ABCD3: variants seen among roughly 807,000 people sequenced by gnomAD.
ABCD3 encodes the protein ATP-binding cassette sub-family D member 3.
Under a neutral mutation model 105.5 loss-of-function variants are expected in ABCD3, and 41 were observed. The observed-to-expected ratio is 0.39, with a 90% confidence interval of 0.30 to 0.50. ABCD3 has a LOEUF of 0.50. ABCD3 is among the 20% of genes least tolerant of loss of function. The pLI is 0.84. For missense variants in ABCD3, 622 were observed against 806.3 expected (o/e 0.77, Z 2.77); for synonymous variants, 258 against 269.0 (o/e 0.96, Z 0.40).
intron 1 of ABCD3, among the ~76,000 whole-genome samples, chr1:94,420,553 ATC>A (rs1353427428): frequency 1.3e-5 from 2 of 152,136 alleles, no homozygotes; most frequent in African/African-American, 2.4e-5. Context: ...AGTGGGGAAA[ATC>A]TCTATTTTAC....
At chr1:94,431,745 G>A (rs1324166101) in intron 1 of ABCD3, among the ~76,000 whole-genome samples, 1 of 151,948 alleles carries the variant, frequency 6.6e-6, no homozygotes, top group Admixed American at 6.6e-5. Context: ...TTTTTTTGTA[G>A]AGATAGGGTC....
chr1:94,429,521 G>A (rs1379848195), intron 1 of ABCD3, among the ~76,000 whole-genome samples: 1 of 152,186 alleles, frequency 6.6e-6, no homozygotes, highest in Non-Finnish European at 1.5e-5. Context: ...CCTTTGCTGT[G>A]TGCAGTCTAG....
At chr1:94,415,519 A>G (rs1264907718), upstream of ABCD3, among the ~76,000 whole-genome samples, 1 of 152,236 alleles carries the variant, frequency 6.6e-6, no homozygotes, top group African/African-American at 2.4e-5. Flanking sequence ...CTAAAATCCT[A>G]GACTGTTAGA....
chr1:94,487,476 T>C, intron 10 of ABCD3, 66 bp from the exon 11 acceptor site: 1 of 1,382,828 alleles, frequency 7.2e-7, no homozygotes, highest in South Asian at 1.2e-5. Context: ...GTTTGTTTTA[T>C]CCTTATAGTA....
Position 94,480,532 on chromosome 1 carries a change from T to C in ABCD3, c.753T>C (p.Ile251=). The C allele has an allele frequency of 1.2e-6, 2 of 1,613,892 alleles. No homozygotes were observed. The highest frequency in any genetic ancestry group is 1.7e-6 in the Non-Finnish European group (2 of 1,179,850). Residue 251 remains isoleucine, a synonymous_variant, in exon 9 of 23, where the codon ATT becomes ATC. Coordinates refer to ENST00000370214, the MANE Select transcript of ABCD3 (RefSeq NM_002858.4). ...GLFLTRLRRP[I]GKMTITEQKY... Reference sequence around the variant, plus strand: ...TCCTAACTCGACTTCGAAGACCCATTGGTAAGATGACAATAACTGAGCAAA... The same window carrying C: ...TCCTAACTCGACTTCGAAGACCCATCGGTAAGATGACAATAACTGAGCAAA...
intron 2 of ABCD3, among the ~76,000 whole-genome samples, chr1:94,461,545 GA>G (rs936201213): frequency 7.2e-5 from 11 of 152,132 alleles, no homozygotes; most frequent in African/African-American, 2.4e-4. Flanking sequence ...TGTGTAAAAT[GA>G]ATTGCATGTA....
intron 20 of ABCD3, among the ~76,000 whole-genome samples, 178 bp downstream of exon 20, chr1:94,499,792 A>T (rs1369225596): frequency 6.6e-6 from 1 of 152,208 alleles, no homozygotes; most frequent in Non-Finnish European, 1.5e-5. Context: ...TGGAATTCTG[A>T]AAAATTCATA....
At chr1:94,425,590 T>A (rs964122673) in intron 1 of ABCD3, among the ~76,000 whole-genome samples, 2 of 152,192 alleles carry the variant, frequency 1.3e-5, no homozygotes, top group Non-Finnish European at 2.9e-5. Flanking sequence ...TTCCTTAGTG[T>A]TTGTGGAAAC....
At chr1:94,395,828 T>C in the ABCD3 span, among the ~76,000 whole-genome samples, 3 of 151,626 alleles carry the variant, frequency 2.0e-5, no homozygotes, top group Admixed American at 6.6e-5. Flanking sequence ...TGTGTGTGTG[T>C]GCACGCGTGT....
intron 20 of ABCD3, among the ~76,000 whole-genome samples, chr1:94,501,017 G>A (rs1411300800): frequency 6.6e-6 from 1 of 152,132 alleles, no homozygotes; most frequent in Non-Finnish European, 1.5e-5. Context: ...ATGTGGTTCA[G>A]AAATGGACAC....
chr1:94,475,792 C>A, intron 7 of ABCD3, 55 bp downstream of exon 7: 3 of 1,429,598 alleles, frequency 2.1e-6, no homozygotes, highest in Non-Finnish European at 2.9e-6. Context: ...AATTTTGAAT[C>A]TAAGCAAATT....
At chr1:94,462,848 T>C (rs763968747) in intron 2 of ABCD3, among the ~76,000 whole-genome samples, 11 of 152,262 alleles carry the variant, frequency 7.2e-5, no homozygotes, top group Non-Finnish European at 1.6e-4. Context: ...GTGATGGCGA[T>C]AGGAGGAAGA....
At chr1:94,482,972 A>G (rs1211499881) in intron 9 of ABCD3, 198 bp from the exon 10 acceptor site, 3 of 578,116 alleles carry the variant, frequency 5.2e-6, no homozygotes, top group Non-Finnish European at 6.2e-6. Flanking sequence ...TTCAGTCAGG[A>G]GTGTATTCCT....
At chr1:94,474,080 G>A (rs924323230) in intron 5 of ABCD3, among the ~76,000 whole-genome samples, 1 of 148,946 alleles carries the variant, frequency 6.7e-6, no homozygotes, top group African/African-American at 2.5e-5. Context: ...ATGTGGGTGA[G>A]GGGTTTTTTG....
At chr1:94,402,408 C>A in the ABCD3 span, among the ~76,000 whole-genome samples, 1,206 of 152,192 alleles carry the variant, frequency 7.9e-3, 19 homozygotes, top group African/African-American at 0.027. Context: ...TTAACCTTTG[C>A]TTTATCATTT....
At chr1:94,512,147 C>T (rs1330376747) in intron 21 of ABCD3, among the ~76,000 whole-genome samples, 1 of 151,920 alleles carries the variant, frequency 6.6e-6, no homozygotes, top group Non-Finnish European at 1.5e-5. Context: ...TCTTTGGTGA[C>T]CGTGATGTAC....
intron 1 of ABCD3, among the ~76,000 whole-genome samples, 190 bp from the exon 2 acceptor site, chr1:94,458,417 A>G (rs1647696404): frequency 1.3e-5 from 2 of 152,238 alleles, no homozygotes; most frequent in South Asian, 2.1e-4. Context: ...AAATTTATTA[A>G]GCACTTTTTG....
At chr1:94,403,192 C>T in the ABCD3 span, among the ~76,000 whole-genome samples, 8 of 151,922 alleles carry the variant, frequency 5.3e-5, no homozygotes, top group South Asian at 2.1e-4. Context: ...AAATGATCCT[C>T]GTCTTAGGTT....
chr1:94,422,372 A>G (rs1323489395), intron 1 of ABCD3, among the ~76,000 whole-genome samples: 1 of 152,158 alleles, frequency 6.6e-6, no homozygotes, highest in Non-Finnish European at 1.5e-5. Flanking sequence ...CACACTTCTT[A>G]TGAGAATCTA....
Sources: allele counts gnomAD v4.1 joint callset (sites outside exome capture counted in the v4.1 genomes callset), GRCh38; gene constraint gnomAD v4.1.1; transcripts MANE v1.5; gene names NCBI Gene and HGNC (gene_info 2026-07-23, HGNC 2026-07-21).